Variants in AGMO observed in about 807,000 individuals in gnomAD.
AGMO encodes the protein glyceryl-ether monooxygenase.
Under a neutral mutation model 60.2 loss-of-function variants are expected in AGMO, and 75 were observed. That is an observed-to-expected ratio of 1.25 (90% CI 1.03 to 1.51). AGMO has a LOEUF of 1.51. AGMO is among the 40% of genes most tolerant of loss of function. The probability of loss-of-function intolerance (pLI) is 0.00; values close to 1 mark genes in which losing one functional copy is unlikely to be tolerated. For synonymous variants in AGMO, 261 were observed against 177.1 expected (o/e 1.47, Z -3.76); for missense variants, 763 against 525.5 (o/e 1.45, Z -4.42).
At chr7:15,224,939 G>A (rs753458049) in intron 12 of AGMO, among the ~76,000 whole-genome samples, 18 of 151,934 alleles carry the variant, frequency 1.2e-4, no homozygotes, top group Non-Finnish European at 1.9e-4. Context: ...ATAAAAATAC[G>A]CATTTTGATT....
intron 12 of AGMO, among the ~76,000 whole-genome samples, chr7:15,347,006 A>G (rs974914117): frequency 6.6e-6 from 1 of 152,002 alleles, no homozygotes; most frequent in African/African-American, 2.4e-5. Flanking sequence ...GATTCTGTGA[A>G]AAGTTCTCTT....
the AGMO span, among the ~76,000 whole-genome samples, chr7:15,127,470 A>G: frequency 1.3e-5 from 2 of 152,098 alleles, no homozygotes; most frequent in Non-Finnish European, 2.9e-5. Flanking sequence ...ACAGTTCTCC[A>G]AGATCTTTTG....
At chr7:15,241,901 C>T (rs947283251) in intron 12 of AGMO, among the ~76,000 whole-genome samples, 10 of 152,046 alleles carry the variant, frequency 6.6e-5, no homozygotes, top group Non-Finnish European at 1.2e-4. Flanking sequence ...GAATTCAGTT[C>T]CTTGAGGTTA....
intron 2 of AGMO, among the ~76,000 whole-genome samples, chr7:15,549,652 C>A (rs1212672623): frequency 6.7e-6 from 1 of 149,512 alleles, no homozygotes; most frequent in Admixed American, 6.7e-5. Flanking sequence ...TACAGGAGCA[C>A]CCAGATTCAT....
At chr7:15,555,954 T>A (rs1164324812) in intron 2 of AGMO, among the ~76,000 whole-genome samples, 2 of 151,988 alleles carry the variant, frequency 1.3e-5, no homozygotes, top group African/African-American at 4.8e-5. Context: ...TCTAAGTTAA[T>A]ACATTTAGTA....
At position 15,200,434 on chromosome 7, in the gene AGMO, T is replaced by C. The variant is rs1781245143; in HGVS notation, c.*851A>G. 1 of 152,270 alleles carries C rather than the reference T, an allele frequency of 6.6e-6. No individual in the cohort carries two copies. The highest frequency in any genetic ancestry group is 1.5e-5 in the Non-Finnish European group (1 of 68,052). The allele number at this position is 152,270 out of a possible 1,614,324, so 9.4% of individuals were successfully genotyped here. Reference sequence around the variant, plus strand: ...ATTGACCAAGCATATTAGAGAAATGTATGACAAAGTAACCTGTTGAAAAAA... The same window carrying C: ...ATTGACCAAGCATATTAGAGAAATGCATGACAAAGTAACCTGTTGAAAAAA... On this transcript the variant is annotated 3_prime_UTR_variant, in exon 13 of 13. Transcript: ENST00000342526.
At chr7:15,194,518 C>T in the AGMO span, among the ~76,000 whole-genome samples, 1 of 152,140 alleles carries the variant, frequency 6.6e-6, no homozygotes, top group Non-Finnish European at 1.5e-5. Context: ...AAAATGAGTA[C>T]AAACTTTCGA....
intron 12 of AGMO, among the ~76,000 whole-genome samples, chr7:15,215,626 T>A (rs1461670574): frequency 6.6e-6 from 1 of 152,154 alleles, no homozygotes; most frequent in East Asian, 1.9e-4. Context: ...TTCCTGCTGA[T>A]AATCATAACT....
intron 12 of AGMO, among the ~76,000 whole-genome samples, chr7:15,243,404 C>A (rs1317720918): frequency 6.6e-6 from 1 of 151,412 alleles, no homozygotes; most frequent in African/African-American, 2.4e-5. Context: ...TTTTTTTTTA[C>A]AAGTTAGAGC....
At chr7:15,345,366 G>T (rs1583433626) in intron 12 of AGMO, among the ~76,000 whole-genome samples, 1 of 152,222 alleles carries the variant, frequency 6.6e-6, no homozygotes, top group African/African-American at 2.4e-5. Flanking sequence ...AGCTTGGTCT[G>T]GATGCCCTCC....
At chr7:15,179,207 C>T in the AGMO span, among the ~76,000 whole-genome samples, 1 of 152,080 alleles carries the variant, frequency 6.6e-6, no homozygotes. Context: ...CGGGAGCCAT[C>T]ACAATAGCCC....
At chr7:15,493,264 TG>T (rs1485678640) in intron 3 of AGMO, among the ~76,000 whole-genome samples, 7 of 151,826 alleles carry the variant, frequency 4.6e-5, no homozygotes, top group Non-Finnish European at 1.0e-4. Flanking sequence ...CCATATGTTT[TG>T]TTAGTCTCAT....
intron 12 of AGMO, among the ~76,000 whole-genome samples, chr7:15,270,635 T>TTTTTTTG (rs1563063233): frequency 1.7e-5 from 2 of 116,346 alleles, no homozygotes; most frequent in African/African-American, 6.8e-5. Flanking sequence ...TTTTTTTTTT[T>TTTTTTTG]TTGCTGTGCA....
chr7:15,218,327 ATGTGTG>A (rs138890087), intron 12 of AGMO, among the ~76,000 whole-genome samples: 132 of 144,018 alleles, frequency 9.2e-4, no homozygotes, highest in African/African-American at 2.6e-3. Context: ...TGGTGTGTGT[ATGTGTG>A]TGTGTGTGTG....
intron 12 of AGMO, among the ~76,000 whole-genome samples, chr7:15,345,776 T>C (rs964903742): frequency 6.6e-6 from 1 of 152,176 alleles, no homozygotes; most frequent in African/African-American, 2.4e-5. Context: ...TACTTATCTA[T>C]ATTCACCCAT....
At chr7:15,225,184 A>C (rs1426267448) in intron 12 of AGMO, among the ~76,000 whole-genome samples, 1 of 151,886 alleles carries the variant, frequency 6.6e-6, no homozygotes, top group Non-Finnish European at 1.5e-5. Context: ...ATGTGATTGC[A>C]TAATCTTCAA....
At chr7:15,531,587 A>C (rs113527636) in intron 3 of AGMO, among the ~76,000 whole-genome samples, 1,870 of 82,056 alleles carry the variant, frequency 0.023, 309 homozygotes, top group African/African-American at 0.085. Context: ...TATATATTCT[A>C]TATATATTCT....
intron 3 of AGMO, among the ~76,000 whole-genome samples, chr7:15,439,757 G>A (rs1036373052): frequency 6.6e-6 from 1 of 152,132 alleles, no homozygotes; most frequent in African/African-American, 2.4e-5. Flanking sequence ...TATTAGTTAT[G>A]TATGATTTTA....
intron 12 of AGMO, among the ~76,000 whole-genome samples, chr7:15,322,718 A>ATG (rs1173496927): frequency 1.4e-4 from 6 of 41,952 alleles, no homozygotes; most frequent in African/African-American, 8.9e-4. Flanking sequence ...ATATATAAAT[A>ATG]TATAAATATA....
Sources: gnomAD v4.1 joint callset for allele counts (sites outside exome capture counted in the v4.1 genomes callset) on GRCh38, gnomAD v4.1.1 for gene constraint, MANE v1.5 for transcripts, NCBI Gene and HGNC (gene_info 2026-07-23, HGNC 2026-07-21) for gene names.